AHNAK2: variants seen among roughly 807,000 people sequenced by gnomAD.
AHNAK2 encodes protein AHNAK2.
Under a neutral mutation model 30.7 loss-of-function variants are expected in AHNAK2, and 18 were observed. That is an observed-to-expected ratio of 0.59 (90% CI 0.41 to 0.87). The LOEUF (loss-of-function observed/expected upper bound fraction) is 0.87, where lower values mean the gene tolerates loss of function less well. Among genes scored for constraint, AHNAK2 ranks in the 40% least tolerant of loss-of-function variants. AHNAK2 has a pLI of 0.00. For missense variants in AHNAK2, 8,604 were observed against 7,373.0 expected, an observed-to-expected ratio of 1.17 and a Z score of -6.11; for synonymous variants, 3,590 against 3,073.8, an observed-to-expected ratio of 1.17 and a Z score of -5.56.
chr14:104,944,969 G>T lies in AHNAK2; in HGVS notation c.10482C>A (p.Ala3494=), dbSNP rs746044494. The T allele has an allele frequency of 6.2e-7, 1 of 1,613,128 alleles. No individual in the cohort carries two copies. The highest frequency in any genetic ancestry group is 8.5e-7 in the Non-Finnish European group (1 of 1,179,598). Residue 3494 remains alanine, a synonymous_variant, in exon 7 of 7, where the codon GCC becomes GCA. Transcript: ENST00000333244. ...GVSAPGRSIE[A]SLDVSAPKVE... ...CCTTCGGCGCAGACACATCCAGCGA[G>T]GCCTCGATGGACCTGCCTGGGGCCG...
Position 104,951,691 on chromosome 14 carries a change from A to G in AHNAK2, c.3760T>C (p.Leu1254=). ...TTGAGGTCCACTTTGGGCATCTTCA[A>G]ACTAGGCATCTGCACCTTGGGCAGG... ...GHLPKVQMPS[L]KMPKVDLKGP... The change falls in exon 7 of 7, where the codon TTG becomes CTG. Residue 1254 remains leucine (L), a synonymous_variant. Coordinates refer to ENST00000333244, the MANE Select transcript of AHNAK2 (RefSeq NM_138420.4). The G allele has an allele frequency of 8.0e-7, 1 of 1,245,284 alleles. No individual in the cohort carries two copies. Among genetic ancestry groups the G allele is most frequent in the African/African-American group, 1.4e-5 (1 of 70,304 alleles). The allele number at this position is 1,245,284 out of a possible 1,614,324, so 77.1% of individuals were successfully genotyped here. A position where few individuals can be genotyped will look rare whatever the true frequency, so the allele number is the denominator to read the frequency against.
chr14:104,943,874 G>A lies in AHNAK2; in HGVS notation c.11577C>T (p.Asp3859=). Residue 3859 remains aspartate, a synonymous_variant, in exon 7 of 7, where the codon GAC becomes GAT. Transcript: ENST00000333244. ...TDLSIQPHSA[D]LTVQARQVDM... is the part of the protein sequence containing the mutation. ...CCACCTGGCGAGCTTGGACCGTCAGGTCGGCAGAATGGGGCTGAATGCTGA... is the reference window on the plus strand; with the variant it reads ...CCACCTGGCGAGCTTGGACCGTCAGATCGGCAGAATGGGGCTGAATGCTGA... 1 of 1,613,034 alleles carries A rather than the reference G, an allele frequency of 6.2e-7. No individual in the cohort carries two copies. Among genetic ancestry groups the A allele is most frequent in the Non-Finnish European group, 8.5e-7 (1 of 1,179,548 alleles).
chr14:104,946,958 G>A lies in AHNAK2; in HGVS notation c.8493C>T (p.Ser2831=), dbSNP rs752024438. Residue 2831 remains serine, a synonymous_variant, in exon 7 of 7, where the codon TCC becomes TCT. Transcript: ENST00000333244. ...CAGACACATCCACCGAGGCCTCGAT[G>A]GACTTGCCTGGGGCCGACACCCCGA... ...PSFGVSAPGK[S]IEASVDVSEL... is the part of the protein sequence containing the mutation. 268 of 1,612,228 alleles carry A rather than the reference G, an allele frequency of 1.7e-4. 1 individual carries two copies. In the Middle Eastern group the frequency reaches 2.6e-3, roughly 16 times the overall value.
At position 104,937,711 on chromosome 14, in the gene AHNAK2, A is replaced by C. The variant is rs1250616615; in HGVS notation, c.*352T>G. The C allele has an allele frequency of 4.3e-6, 1 of 232,634 alleles. No homozygotes were observed. Among genetic ancestry groups the C allele is most frequent in the Non-Finnish European group, 8.3e-6 (1 of 120,360 alleles). The allele number at this position is 232,634 out of a possible 1,614,324, so 14.4% of individuals were successfully genotyped here. A position where few individuals can be genotyped will look rare whatever the true frequency, so the allele number is the denominator to read the frequency against. On this transcript the variant is annotated 3_prime_UTR_variant, in exon 7 of 7. Coordinates refer to ENST00000333244, the MANE Select transcript of AHNAK2 (RefSeq NM_138420.4). ...AGACATTATAACCCTTTCCTCAAAG[A>C]AACAGTCATGTTCTGTTGGGTATTA... is the stretch of plus-strand genomic sequence containing the variant.
intron 1 of AHNAK2, among the ~76,000 whole-genome samples, chr14:104,972,826 C>T (rs1899503420): frequency 6.6e-6 from 1 of 152,230 alleles, no homozygotes; most frequent in Non-Finnish European, 1.5e-5. Context: ...CACTCAGAAC[C>T]GAGCCCTCGG....
rs368518491 is a variant in AHNAK2, at chr14:104,946,966, C to T, written c.8485G>A (p.Gly2829Ser). The change falls in exon 7 of 7, where the codon GGC (glycine) becomes AGC (serine). Residue 2829 changes from glycine (G) to serine (S), a missense_variant. Physicochemically the swap from Gly to Ser is moderately conservative, Grantham distance 56 (BLOSUM62 0). Coordinates refer to ENST00000333244, the MANE Select transcript of AHNAK2 (RefSeq NM_138420.4). The part of the protein sequence containing the change: ...KMPSFGVSAP[G>S]KSIEASVDVS... Reference sequence around the variant, plus strand: ...TCCACCGAGGCCTCGATGGACTTGCCTGGGGCCGACACCCCGAATGACGGC... The same window carrying T: ...TCCACCGAGGCCTCGATGGACTTGCTTGGGGCCGACACCCCGAATGACGGC... 6.2e-7 allele frequency: 1 copy of T among 1,612,802 alleles called. No individual in the cohort carries two copies. The highest frequency in any genetic ancestry group is 8.5e-7 in the Non-Finnish European group (1 of 1,179,734).
At position 104,950,290 on chromosome 14, in the gene AHNAK2, G is replaced by A; in HGVS notation, c.5161C>T (p.Gln1721Ter). Residue 1721 changes from glutamine to a stop codon, truncating the protein, a stop_gained, in exon 7 of 7, where the codon CAA becomes TAA. Transcript: ENST00000333244. LOFTEE classifies it low-confidence loss of function (END_TRUNC). Reference sequence around the variant, plus strand: ...CCCTCCGGGAGTTTCACGTTCACTTGGCCAGCCTGGACCTCCAGGTCGGCG... The same window carrying A: ...CCCTCCGGGAGTTTCACGTTCACTTAGCCAGCCTGGACCTCCAGGTCGGCG... ...PSADLEVQAG[Q>*]VNVKLPEGPL... The A allele has an allele frequency of 6.3e-7, 1 of 1,585,256 alleles. No individual in the cohort carries two copies. The highest frequency in any genetic ancestry group is 1.1e-5 in the South Asian group (1 of 89,746).
At position 104,966,099 on chromosome 14, in the gene AHNAK2, G is replaced by C. The variant is rs1899294121; in HGVS notation, c.56-8427C>G. Reference sequence around the variant, plus strand: ...TCTGGCTCTGCTCTCAGGCCTGGCAGGGCTGGAGGATGGTGTCTCCTGGAG... The same window carrying C: ...TCTGGCTCTGCTCTCAGGCCTGGCACGGCTGGAGGATGGTGTCTCCTGGAG... On this transcript the variant is annotated intron_variant, in intron 1 of 6. Coordinates refer to ENST00000333244, the MANE Select transcript of AHNAK2 (RefSeq NM_138420.4). This position sits in a 1 kb window ranked among gnomAD's most constrained non-coding sequence, Gnocchi z 4.3. Among the ~76,000 whole-genome samples, 1 of 152,212 alleles carries C rather than the reference G, an allele frequency of 6.6e-6. No homozygotes were observed. Among genetic ancestry groups the C allele is most frequent in the Non-Finnish European group, 1.5e-5 (1 of 68,026 alleles).
In AHNAK2 at chr14:104,947,975, T is replaced by C. The variant is rs79130434; in HGVS notation, c.7476A>G (p.Ser2492=). 0.013 allele frequency: 20,928 copies of C among 1,610,236 alleles called. 1,327 individuals carry two copies. In the Admixed American group the frequency reaches 0.14, roughly 11 times the overall value. ...ACTTGCCTGGGGCAGACACCCCGAA[T>C]GACGGCATCTTGAACTTGGGAATTT... ...RFKIPKFKMP[S]FGVSAPGKSI... Residue 2492 remains serine (S), a synonymous_variant, in exon 7 of 7, where the codon TCA becomes TCG. Coordinates refer to ENST00000333244, the MANE Select transcript of AHNAK2 (RefSeq NM_138420.4).
At chr14:104,965,935 C>T (rs2140878955) in intron 1 of AHNAK2, among the ~76,000 whole-genome samples, 1 of 152,326 alleles carries the variant, frequency 6.6e-6, no homozygotes, top group South Asian at 2.1e-4. Context: ...GCTACAGACA[C>T]TGCTCCCGCA....
intron 1 of AHNAK2, among the ~76,000 whole-genome samples, chr14:104,959,597 AC>A (rs1899079600): frequency 6.6e-6 from 1 of 152,198 alleles, no homozygotes; most frequent in African/African-American, 2.4e-5. Context: ...TGATTGCACC[AC>A]TTCACTCTAG....
Position 104,944,432 on chromosome 14 carries a change from ACT to A in AHNAK2, c.11017_11018del (p.Leu3674ProfsTer11). On this transcript the variant is annotated frameshift_variant, in exon 7 of 7. Transcript: ENST00000333244. LOFTEE classifies it low-confidence loss of function (END_TRUNC). ...VSAPKVEADVSLPSMQGDLKT... is the reference protein window; with the variant it reads ...VSAPKVEADVXLPSMQGDLKT... Reference sequence around the variant, plus strand: ...TCAGGTCCCCCTGCATGGAGGGGAGACTCACATCGGCTTCCACCTTGGGTGCA... The same window carrying A: ...TCAGGTCCCCCTGCATGGAGGGGAGACACATCGGCTTCCACCTTGGGTGCA... 3.1e-6 allele frequency: 5 copies of A among 1,608,670 alleles called. No homozygotes were observed. Among genetic ancestry groups the A allele is most frequent in the Non-Finnish European group, 4.2e-6 (5 of 1,177,870 alleles).
chr14:104,952,852 C>T lies in AHNAK2; in HGVS notation c.2599G>A (p.Val867Met), dbSNP rs369984421. 20 of 1,611,964 alleles carry T rather than the reference C, an allele frequency of 1.2e-5. No homozygotes were observed. Among genetic ancestry groups the T allele is most frequent in the African/African-American group, 1.1e-4 (8 of 74,178 alleles). Residue 867 changes from valine (V) to methionine (M), a missense_variant, in exon 7 of 7, where the codon GTG (valine) becomes ATG (methionine). Physicochemically the swap from Val to Met is conservative, Grantham distance 21. Transcript: ENST00000333244. ...DVSAPKVEAD[V>M]SLSSMQGDLK... ...TCCCCCTGCATGGAGGAGAGGCTCA[C>T]GTCGGCCTCCACCTTCGGCGCAGAC...
At position 104,942,428 on chromosome 14, in the gene AHNAK2, C is replaced by T; in HGVS notation, c.13023G>A (p.Leu4341=). 1 of 1,607,304 alleles carries T rather than the reference C, an allele frequency of 6.2e-7. No homozygotes were observed. The highest frequency in any genetic ancestry group is 8.5e-7 in the Non-Finnish European group (1 of 1,176,996). The change falls in exon 7 of 7, where the codon CTG becomes CTA. Residue 4341 remains leucine, a synonymous_variant. Coordinates refer to ENST00000333244, the MANE Select transcript of AHNAK2 (RefSeq NM_138420.4). Reference sequence around the variant, plus strand: ...GCTGAATGCTGAGGTGAGTGGTCTTCAGGTCCCCCTGCATGGAGGGGAGGC... The same window carrying T: ...GCTGAATGCTGAGGTGAGTGGTCTTTAGGTCCCCCTGCATGGAGGGGAGGC... ...DVSLPSMQGD[L]KTTHLSIQPP... is the part of the protein sequence containing the mutation.
intron 1 of AHNAK2, chr14:104,970,441 A>T: frequency 2.0e-6 from 2 of 985,420 alleles, no homozygotes; most frequent in Non-Finnish European, 2.4e-6. Context: ...GGACATGGAC[A>T]CAGGAGCCAC....
chr14:104,942,271 C>A lies in AHNAK2; in HGVS notation c.13180G>T (p.Val4394Leu), dbSNP rs1898026243. Reference sequence around the variant, plus strand: ...TCTATCTGGGGACCCTTGAGGTCCACTTTGGGTACCTTGAAACTGGGCATC... The same window carrying A: ...TCTATCTGGGGACCCTTGAGGTCCAATTTGGGTACCTTGAAACTGGGCATC... ...LQMPSFKVPK[V>L]DLKGPQIDVN... Residue 4394 changes from valine to leucine, a missense_variant, in exon 7 of 7, where the codon GTG (valine) becomes TTG (leucine). Physicochemically the swap from Val to Leu is conservative, Grantham distance 32. Transcript: ENST00000333244. 3 of 1,613,126 alleles carry A rather than the reference C, an allele frequency of 1.9e-6. No individual in the cohort carries two copies. The South Asian group carries it at 3.3e-5, about 18-fold the overall frequency.
chr14:104,974,905 A>G (rs1487397982), intron 1 of AHNAK2, among the ~76,000 whole-genome samples: 1 of 152,190 alleles, frequency 6.6e-6, no homozygotes, highest in Non-Finnish European at 1.5e-5. Flanking sequence ...CCTCCCCAGC[A>G]CCTATACTTC....
At chr14:104,970,403 C>A in intron 1 of AHNAK2, 1 of 985,210 alleles carries the variant, frequency 1.0e-6, no homozygotes, top group Non-Finnish European at 1.2e-6. Context: ...CCCACAGACC[C>A]GCGGAAGAGT....
intron 1 of AHNAK2, 55 bp downstream of exon 1, chr14:104,978,128 T>C: frequency 8.3e-7 from 1 of 1,198,462 alleles, no homozygotes; most frequent in East Asian, 3.4e-5. Flanking sequence ...GCGCGCGCCC[T>C]CGCGCGTAGC....
Sources: allele counts gnomAD v4.1 joint callset (sites outside exome capture counted in the v4.1 genomes callset), GRCh38; gene constraint gnomAD v4.1.1; non-coding constraint Gnocchi (gnomAD v3.1); transcripts MANE v1.5; gene names NCBI Gene and HGNC (gene_info 2026-07-23, HGNC 2026-07-21).